Variants in LIMK2 observed in about 807,000 individuals in gnomAD.
LIMK2 encodes LIM domain kinase 2.
Under a neutral mutation model 75.7 loss-of-function variants are expected in LIMK2, and 35 were observed. The observed-to-expected ratio is 0.46, with a 90% CI of 0.35 to 0.61. The LOEUF (loss-of-function observed/expected upper bound fraction) is 0.61, where lower values mean the gene tolerates loss of function less well. LIMK2 is among the 20% of genes least tolerant of loss of function. The pLI is 0.00. For synonymous variants in LIMK2, 301 were observed against 319.2 expected (o/e 0.94, Z 0.61); for missense variants, 623 against 831.0 (o/e 0.75, Z 3.08).
chr22:31,275,613 G>A (rs936034098), intron 15 of LIMK2: 7 of 283,720 alleles, frequency 2.5e-5, no homozygotes, highest in African/African-American at 1.6e-4. Context: ...ATATTCCCCT[G>A]TCCATATCTA....
chr22:31,258,273 T>C lies in LIMK2; in HGVS notation c.117-18T>C, dbSNP rs1464777273. 6.3e-7 allele frequency: 1 copy of C among 1,582,734 alleles called. No individual in the cohort carries two copies. On this transcript the variant is annotated intron_variant, in intron 2 of 15. Coordinates refer to ENST00000331728, the MANE Select transcript of LIMK2 (RefSeq NM_005569.4). Reference sequence around the variant, plus strand: ...TCCAGGGATCCAGGAGAATTTCAGTTCTTGTCTTGCCTTTCAGGTGTTCAG... The same window carrying C: ...TCCAGGGATCCAGGAGAATTTCAGTCCTTGTCTTGCCTTTCAGGTGTTCAG...
rs149113921 is a variant in LIMK2, at chr22:31,244,522, G to A, written c.117-13769G>A. On this transcript the variant is annotated intron_variant, in intron 2 of 15. Transcript: ENST00000331728. The stretch of plus-strand genomic sequence containing the variant: ...ACTTCCAGCCCACCTCACCTCCTCT[G>A]TGGCCCTTGTGTGTCCCCTCGGCTA... 4.0e-3 allele frequency among the ~76,000 whole-genome samples: 604 copies of A among 152,158 alleles called. 1 individual carries two copies. The highest frequency in any genetic ancestry group is 0.013 in the African/African-American group (558 of 41,512).
At chr22:31,238,132 A>C (rs1452784267) in intron 2 of LIMK2, among the ~76,000 whole-genome samples, 3 of 150,918 alleles carry the variant, frequency 2.0e-5, no homozygotes, top group East Asian at 3.9e-4. Context: ...AAAAAAAAAA[A>C]CCAAAACCAA....
intron 15 of LIMK2, chr22:31,277,029 C>G (rs1339038241): frequency 6.2e-7 from 1 of 1,613,938 alleles, no homozygotes; most frequent in South Asian, 1.1e-5. Flanking sequence ...CCTGGGCTTC[C>G]AGGGTCAAGG....
Position 31,269,379 on chromosome 22 carries a change from C to T in LIMK2, c.1317+1179C>T, listed in dbSNP as rs370773422. 1.4e-3 allele frequency among the ~76,000 whole-genome samples: 215 copies of T among 150,050 alleles called. 1 individual carries two copies. Among genetic ancestry groups the T allele is most frequent in the African/African-American group, 4.7e-3 (190 of 40,618 alleles). ...CTGGGCTCAAGCATTCCTCCTGCCTCGCCCTCCCAAAGTGTTGGGATTACA... is the reference window on the plus strand; with the variant it reads ...CTGGGCTCAAGCATTCCTCCTGCCTTGCCCTCCCAAAGTGTTGGGATTACA... On this transcript the variant is annotated intron_variant, in intron 11 of 15. Transcript: ENST00000331728.
At chr22:31,232,591 G>A (rs2048538893) in intron 2 of LIMK2, among the ~76,000 whole-genome samples, 1 of 152,036 alleles carries the variant, frequency 6.6e-6, no homozygotes, top group South Asian at 2.1e-4. Context: ...TACTAGCCTG[G>A]CCTCTTAATT....
At chr22:31,229,734 C>T (rs2048510411) in intron 2 of LIMK2, among the ~76,000 whole-genome samples, 1 of 152,156 alleles carries the variant, frequency 6.6e-6, no homozygotes, top group Non-Finnish European at 1.5e-5. Flanking sequence ...ATCCTAAACT[C>T]CTCCCCTCAT....
At position 31,278,416 on chromosome 22, in the gene LIMK2, G is replaced by A. The variant is rs776822609; in HGVS notation, c.1892G>A (p.Gly631Asp). ...GACCACACTGTGAGCATGCAGTACG[G>A]CCTGACCCGGGACTCACCTCCCTAG... is the stretch of plus-strand genomic sequence containing the variant. ...ELDHTVSMQY[G>D]LTRDSPP Residue 631 changes from glycine to aspartate, a missense_variant, in exon 16 of 16, where the codon GGC becomes GAC. Coordinates refer to ENST00000331728, the MANE Select transcript of LIMK2 (RefSeq NM_005569.4). The A allele has an allele frequency of 1.2e-6, 2 of 1,612,798 alleles. No homozygotes were observed. Among genetic ancestry groups the A allele is most frequent in the Non-Finnish European group, 1.7e-6 (2 of 1,179,546 alleles).
At chr22:31,276,960 GGA>G in intron 15 of LIMK2, 1 of 1,613,916 alleles carries the variant, frequency 6.2e-7, no homozygotes, top group Non-Finnish European at 8.5e-7. Context: ...GCCAGGAAGA[GGA>G]GATCTCAGAA....
intron 12 of LIMK2, 186 bp from the exon 13 acceptor site, chr22:31,272,344 G>A (rs560150286): frequency 2.3e-5 from 10 of 437,650 alleles, no homozygotes; most frequent in Middle Eastern, 6.0e-4. Flanking sequence ...CAAAGTTCTG[G>A]GATTACAGGT....
rs761234126 is a variant in LIMK2 at position 31,260,031 on chromosome 22, G to A, written c.505G>A (p.Val169Met). ...AGGCAGGCGGGGCTTCTCCGTGTCC[G>A]TGGAGAGTGCCTGCTCCAACTACGC... ...TEGRRGFSVS[V>M]ESACSNYATT... The change falls in exon 5 of 16, where the codon GTG becomes ATG. Residue 169 changes from valine to methionine, a missense_variant. Around this residue, in one of 3 missense-constraint regions of LIMK2, gnomAD observed 514 missense variants for 661.3 expected, o/e 0.78. Transcript: ENST00000331728. 19 of 1,606,264 alleles carry A rather than the reference G, an allele frequency of 1.2e-5. No homozygotes were observed. Among genetic ancestry groups the A allele is most frequent in the Admixed American group, 5.2e-5 (3 of 57,844 alleles).
In LIMK2 at chr22:31,262,089, GT is replaced by G. The variant is rs1568997582; in HGVS notation, c.552-40del. The G allele has an allele frequency of 6.6e-7, 1 of 1,524,848 alleles. No homozygotes were observed. 94.5% of individuals were successfully genotyped at this position (1,524,848 alleles called of 1,614,324 possible). A position where few individuals can be genotyped will look rare whatever the true frequency, so the allele number is the denominator to read the frequency against. ...TGCACAAGCAGAATTGGTCAAGCAG[GT>G]TTTTAGGACATCTTTACCCTGCCTC... On this transcript the variant is annotated intron_variant, in intron 5 of 15. Transcript: ENST00000331728. The surrounding 1 kb of genome is among the most constrained non-coding windows in gnomAD (Gnocchi z 5.0).
intron 2 of LIMK2, among the ~76,000 whole-genome samples, chr22:31,249,726 T>C (rs1048187451): frequency 1.2e-4 from 19 of 152,170 alleles, no homozygotes; most frequent in African/African-American, 4.6e-4. Context: ...CAGATCTTGC[T>C]GCCGGGATAC....
intron 2 of LIMK2, among the ~76,000 whole-genome samples, chr22:31,252,523 A>G (rs1359543065): frequency 2.0e-5 from 3 of 150,216 alleles, no homozygotes; most frequent in African/African-American, 4.9e-5. Flanking sequence ...CCTGGGTGAC[A>G]GAGTAAGACT....
At chr22:31,273,315 G>T (rs571143828) in intron 13 of LIMK2, 137 bp from the exon 14 acceptor site, 4 of 749,732 alleles carry the variant, frequency 5.3e-6, no homozygotes, top group Non-Finnish European at 9.1e-6. Flanking sequence ...TGGTGTCTGC[G>T]CAGGACAGCC....
At chr22:31,235,563 G>A (rs1555885658) in intron 2 of LIMK2, among the ~76,000 whole-genome samples, 1 of 152,160 alleles carries the variant, frequency 6.6e-6, no homozygotes, top group Non-Finnish European at 1.5e-5. Flanking sequence ...AAGAGAGGAA[G>A]AATGAGTTCA....
Position 31,266,073 on chromosome 22 carries a change from C to A in LIMK2, c.982C>A (p.Pro328Thr). ...CAGCTATTCACAGCAGATCTTCCGG[C>A]CCTGTGACCTAATCCATGGGGAGGT... ...SSSYSQQIFR[P>T]CDLIHGEVLG... Residue 328 changes from proline to threonine, a missense_variant, in exon 8 of 16, where the codon CCC (proline) becomes ACC (threonine). By Grantham distance (38) the Pro-to-Thr change is conservative. Around this residue, in one of 3 missense-constraint regions of LIMK2, gnomAD observed 514 missense variants for 661.3 expected, o/e 0.78. Coordinates refer to ENST00000331728, the MANE Select transcript of LIMK2 (RefSeq NM_005569.4). The A allele has an allele frequency of 6.2e-7, 1 of 1,614,212 alleles. No individual in the cohort carries two copies. Among genetic ancestry groups the A allele is most frequent in the Non-Finnish European group, 8.5e-7 (1 of 1,180,030 alleles).
At chr22:31,265,368 AAAT>A (rs1458169080) in intron 7 of LIMK2, among the ~76,000 whole-genome samples, 1 of 151,812 alleles carries the variant, frequency 6.6e-6, no homozygotes, top group Admixed American at 6.6e-5. Flanking sequence ...TCTGTCTCAA[AAAT>A]AATAATAATA....
At chr22:31,228,940 CCT>C (rs1169277479) in intron 2 of LIMK2, among the ~76,000 whole-genome samples, 2 of 147,896 alleles carry the variant, frequency 1.4e-5, no homozygotes, top group East Asian at 2.1e-4. Context: ...GAGTGAAACC[CCT>C]GTCTCAAAAC....
Sources: allele counts gnomAD v4.1 joint callset (sites outside exome capture counted in the v4.1 genomes callset), GRCh38; gene constraint gnomAD v4.1.1; regional missense constraint gnomAD v4.1.1; non-coding constraint Gnocchi (gnomAD v3.1); transcripts MANE v1.5; gene names NCBI Gene and HGNC (gene_info 2026-07-23, HGNC 2026-07-21).